TMEM132C: variants seen among roughly 807,000 people sequenced by gnomAD.
TMEM132C encodes transmembrane protein 132C.
Under a neutral mutation model 61.4 loss-of-function variants are expected in TMEM132C, and 29 were observed. The observed-to-expected ratio is 0.47, with a 90% CI of 0.35 to 0.64. TMEM132C has a LOEUF of 0.64. Ranked by LOEUF, TMEM132C falls within the 30% of genes least tolerant of loss-of-function variation. The probability of loss-of-function intolerance (pLI) is 0.00; values close to 1 mark genes in which losing one functional copy is unlikely to be tolerated. For missense variants in TMEM132C, 1,408 were observed against 1,476.9 expected, an observed-to-expected ratio of 0.95 and a Z score of 0.76; for synonymous variants, 656 against 633.1, an observed-to-expected ratio of 1.04 and a Z score of -0.54.
chr12:128,309,373 T>C (rs1300003226), intron 1 of TMEM132C, among the ~76,000 whole-genome samples: 1 of 152,222 alleles, frequency 6.6e-6, no homozygotes, highest in Non-Finnish European at 1.5e-5. Context: ...TTTAAAAAAC[T>C]GAGGTGAAAT....
At chr12:128,673,159 C>A (rs939649981) in intron 5 of TMEM132C, among the ~76,000 whole-genome samples, 5 of 152,164 alleles carry the variant, frequency 3.3e-5, no homozygotes, top group African/African-American at 1.2e-4. Flanking sequence ...TATGTGGAAG[C>A]CCTTAACACC....
chr12:128,267,625 G>T, intron 1 of TMEM132C, 138 bp downstream of exon 1: 1 of 720,902 alleles, frequency 1.4e-6, no homozygotes, highest in Non-Finnish European at 1.8e-6. Context: ...CAGCGCCTCT[G>T]CGGGTGCCGA....
intron 1 of TMEM132C, among the ~76,000 whole-genome samples, chr12:128,330,010 C>G (rs1872630759): frequency 6.6e-6 from 1 of 152,118 alleles, no homozygotes. Context: ...ACGAAGCGCT[C>G]TATTTGCCTG....
intron 1 of TMEM132C, among the ~76,000 whole-genome samples, chr12:128,325,186 G>C (rs1445164481): frequency 6.6e-6 from 1 of 152,204 alleles, no homozygotes; most frequent in Non-Finnish European, 1.5e-5. Context: ...GTCACAGTAA[G>C]TGCTAGTGCT....
intron 2 of TMEM132C, among the ~76,000 whole-genome samples, chr12:128,529,462 G>A (rs1004884760): frequency 1.3e-5 from 2 of 152,140 alleles, no homozygotes; most frequent in African/African-American, 4.8e-5. Context: ...AAACGTGGGA[G>A]ACACTTCTTT....
intron 1 of TMEM132C, among the ~76,000 whole-genome samples, chr12:128,388,859 CAG>C (rs1290247751): frequency 1.3e-5 from 2 of 152,374 alleles, no homozygotes; most frequent in East Asian, 3.9e-4. Context: ...CACTTCTTAA[CAG>C]AGTGTTGGTT....
At chr12:128,480,312 T>C (rs1279524549) in intron 2 of TMEM132C, among the ~76,000 whole-genome samples, 5 of 152,242 alleles carry the variant, frequency 3.3e-5, no homozygotes, top group Admixed American at 2.0e-4. Context: ...GGCAATTTGA[T>C]ACATTTGGCT....
At chr12:128,605,126 G>GATAGATAGATACATAGATACATAGATAC (rs1188045309) in intron 3 of TMEM132C, among the ~76,000 whole-genome samples, 19 of 151,332 alleles carry the variant, frequency 1.3e-4, no homozygotes, top group Non-Finnish European at 2.6e-4. Context: ...TAGATAGATA[G>GATAGATAGATACATAGATACATAGATAC]ATAGATAGAT....
chr12:128,405,089 T>C (rs1429943293), intron 1 of TMEM132C, among the ~76,000 whole-genome samples: 1 of 147,698 alleles, frequency 6.8e-6, no homozygotes, highest in Non-Finnish European at 1.5e-5. Context: ...TTGTTTCAGG[T>C]CAATAAAAAT....
intron 4 of TMEM132C, among the ~76,000 whole-genome samples, chr12:128,663,827 GGCAC>G (rs1954420713): frequency 1.3e-5 from 2 of 148,724 alleles, no homozygotes; most frequent in Admixed American, 1.3e-4. Flanking sequence ...CCCACATACA[GGCAC>G]ACCCACCCAC....
Position 128,651,013 on chromosome 12 carries a change from C to T in TMEM132C, c.1306-18404C>T, listed in dbSNP as rs558301458. Among the ~76,000 whole-genome samples the T allele has an allele frequency of 5.3e-5, 8 of 152,304 alleles. No individual in the cohort carries two copies. The South Asian group carries it at 1.7e-3, about 32-fold the overall frequency. The stretch of plus-strand genomic sequence containing the variant: ...AGCATGGGTATAAATCTCCACCCCT[C>T]AGATGGGGACTGCAGATTCAAACCA... On this transcript the variant is annotated intron_variant, in intron 4 of 8. Coordinates refer to ENST00000435159, the MANE Select transcript of TMEM132C (RefSeq NM_001136103.3).
At position 128,630,490 on chromosome 12, in the gene TMEM132C, C is replaced by T. The variant is rs1337828774; in HGVS notation, c.1305+14155C>T. Among the ~76,000 whole-genome samples, 1 of 152,164 alleles carries T rather than the reference C, an allele frequency of 6.6e-6. No individual in the cohort carries two copies. Among genetic ancestry groups the T allele is most frequent in the African/African-American group, 2.4e-5 (1 of 41,436 alleles). ...CTCAAATATCCCCTCCTCACTAGGC[C>T]CCCTGACTAACCTGCCTAAAAGAGC... On this transcript the variant is annotated intron_variant, in intron 4 of 8. Coordinates refer to ENST00000435159, the MANE Select transcript of TMEM132C (RefSeq NM_001136103.3). This position sits in a 1 kb window ranked among gnomAD's most constrained non-coding sequence, Gnocchi z 4.3.
chr12:128,450,380 C>T (rs1275471592), intron 2 of TMEM132C, among the ~76,000 whole-genome samples: 2 of 151,980 alleles, frequency 1.3e-5, no homozygotes, highest in African/African-American at 2.4e-5. Flanking sequence ...TGGAGTTGCA[C>T]CAAAGAGAGA....
rs1874830156 is a variant in TMEM132C at position 128,570,211 on chromosome 12, C to T, written c.1121+26108C>T. Among the ~76,000 whole-genome samples, 1 of 152,066 alleles carries T rather than the reference C, an allele frequency of 6.6e-6. No homozygotes were observed. ...TGAAAAATATCTACACCTCCCCACC[C>T]CCGCACCCCCCACACACTCACACTG... On this transcript the variant is annotated intron_variant, in intron 3 of 8. Coordinates refer to ENST00000435159, the MANE Select transcript of TMEM132C (RefSeq NM_001136103.3). The surrounding 1 kb of genome is among the most constrained non-coding windows in gnomAD (Gnocchi z 4.7).
intron 1 of TMEM132C, among the ~76,000 whole-genome samples, chr12:128,333,295 T>C (rs1872708733): frequency 6.6e-6 from 1 of 151,918 alleles, no homozygotes; most frequent in Non-Finnish European, 1.5e-5. Flanking sequence ...GTGTTGTATG[T>C]ATGTGGTGCT....
At chr12:128,565,434 C>G (rs980702476) in intron 3 of TMEM132C, among the ~76,000 whole-genome samples, 2 of 152,224 alleles carry the variant, frequency 1.3e-5, no homozygotes, top group African/African-American at 4.8e-5. Flanking sequence ...TAAACTTTCG[C>G]AGCAATGCAT....
chr12:128,465,193 C>T (rs1870687421), intron 2 of TMEM132C, among the ~76,000 whole-genome samples: 1 of 150,872 alleles, frequency 6.6e-6, no homozygotes, highest in Admixed American at 6.6e-5. Flanking sequence ...CCTGATCATT[C>T]TTCATTTCTT....
chr12:128,452,676 C>T (rs1189718800), intron 2 of TMEM132C, among the ~76,000 whole-genome samples: 1 of 151,720 alleles, frequency 6.6e-6, no homozygotes, highest in Non-Finnish European at 1.5e-5. Flanking sequence ...TGCACTCCAG[C>T]CTGGGCGACA....
intron 5 of TMEM132C, among the ~76,000 whole-genome samples, chr12:128,673,463 G>A (rs117035489): frequency 2.6e-3 from 394 of 152,278 alleles, no homozygotes; most frequent in Middle Eastern, 0.01. Context: ...TGTTAAAGCA[G>A]GCCAACCTGA....
Sources: gnomAD v4.1 joint callset for allele counts (sites outside exome capture counted in the v4.1 genomes callset) on GRCh38, gnomAD v4.1.1 for gene constraint, Gnocchi (gnomAD v3.1) non-coding constraint, MANE v1.5 for transcripts, NCBI Gene and HGNC (gene_info 2026-07-23, HGNC 2026-07-21) for gene names.